Variants in SLC9A9 observed in about 807,000 individuals in gnomAD.
SLC9A9 encodes solute carrier family 9 member A9.
In SLC9A9, 62 loss-of-function variants were observed where a neutral mutation model predicts 77.8. That is an observed-to-expected ratio of 0.80 (90% CI 0.65 to 0.98). The LOEUF is 0.98. Among genes scored for constraint, SLC9A9 ranks in the 50% least tolerant of loss-of-function variants. The probability of loss-of-function intolerance (pLI) is 0.00; values close to 1 mark genes in which losing one functional copy is unlikely to be tolerated. For missense variants in SLC9A9, 775 were observed against 774.9 expected (o/e 1.00, Z 0.00); for synonymous variants, 320 against 283.5 (o/e 1.13, Z -1.29).
intron 6 of SLC9A9, among the ~76,000 whole-genome samples, chr3:143,619,836 T>C (rs1473963374): frequency 6.6e-6 from 1 of 152,176 alleles, no homozygotes; most frequent in African/African-American, 2.4e-5. Context: ...TAAATACCAT[T>C]TTCATCATGT....
In SLC9A9 at chr3:143,619,833, C is replaced by A. The variant is rs7650491; in HGVS notation, c.755+32422G>T. Among the ~76,000 whole-genome samples, 618 of 152,278 alleles carry A rather than the reference C, an allele frequency of 4.1e-3. 2 individuals are homozygous for A. The highest frequency in any genetic ancestry group is 0.014 in the African/African-American group (596 of 41,552). On this transcript the variant is annotated intron_variant, in intron 6 of 15. Transcript: ENST00000316549. ...ACAGAAGAGGCCAAGTAATAAATAC[C>A]ATTTTCATCATGTTTTACAGTTTAC...
intron 14 of SLC9A9, among the ~76,000 whole-genome samples, chr3:143,315,983 T>G (rs1433772035): frequency 6.6e-6 from 1 of 152,186 alleles, no homozygotes; most frequent in Non-Finnish European, 1.5e-5. Flanking sequence ...GACACCAAAG[T>G]CCTCTTGCCC....
chr3:143,711,015 C>T, intron 4 of SLC9A9, among the ~76,000 whole-genome samples: 1 of 152,144 alleles, frequency 6.6e-6, no homozygotes, highest in East Asian at 1.9e-4. Context: ...GGATGTTACA[C>T]TATTTACTCT....
intron 14 of SLC9A9, among the ~76,000 whole-genome samples, chr3:143,353,017 A>G (rs1379135990): frequency 6.6e-6 from 1 of 152,184 alleles, no homozygotes; most frequent in African/African-American, 2.4e-5. Context: ...ATCTGTGCAC[A>G]TGATAATTCC....
intron 9 of SLC9A9, among the ~76,000 whole-genome samples, chr3:143,524,906 G>A (rs904160610): frequency 1.3e-5 from 2 of 152,140 alleles, no homozygotes; most frequent in Non-Finnish European, 2.9e-5. Flanking sequence ...TTTCTGCCAT[G>A]TTACGATGCC....
chr3:143,831,244 C>G (rs988750112), intron 2 of SLC9A9, among the ~76,000 whole-genome samples: 7 of 152,094 alleles, frequency 4.6e-5, no homozygotes, highest in Non-Finnish European at 1.0e-4. Flanking sequence ...GATGTGAGAT[C>G]CTGGTTCTTA....
intron 3 of SLC9A9, 56 bp downstream of exon 3, chr3:143,796,770 G>C: frequency 8.0e-7 from 1 of 1,244,264 alleles, no homozygotes; most frequent in South Asian, 1.3e-5. Flanking sequence ...TCTCATTAGT[G>C]CTGGTAAAAT....
At chr3:143,299,860 T>TAAA (rs2030441758) in intron 14 of SLC9A9, among the ~76,000 whole-genome samples, 2 of 152,246 alleles carry the variant, frequency 1.3e-5, no homozygotes, top group South Asian at 4.1e-4. Flanking sequence ...CCCTGGGTTC[T>TAAA]GAGCCTTATC....
intron 4 of SLC9A9, among the ~76,000 whole-genome samples, chr3:143,704,902 G>T (rs551879472): frequency 2.0e-5 from 3 of 152,164 alleles, no homozygotes; most frequent in East Asian, 1.9e-4. Context: ...TGAGGGAGGA[G>T]AATTGCTTGA....
chr3:143,819,045 G>T (rs1191916009), intron 2 of SLC9A9, among the ~76,000 whole-genome samples: 1 of 152,254 alleles, frequency 6.6e-6, no homozygotes, highest in East Asian at 1.9e-4. Context: ...TCGCACCGTT[G>T]CACTCCAGCC....
chr3:143,277,319 A>G (rs1049132065), intron 14 of SLC9A9, among the ~76,000 whole-genome samples: 1 of 152,128 alleles, frequency 6.6e-6, no homozygotes, highest in African/African-American at 2.4e-5. Flanking sequence ...CAGCTGCATC[A>G]GAATTTCCTC....
intron 12 of SLC9A9, among the ~76,000 whole-genome samples, chr3:143,417,885 G>A (rs1254259848): frequency 6.6e-6 from 1 of 152,000 alleles, no homozygotes; most frequent in Non-Finnish European, 1.5e-5. Flanking sequence ...GAGCCTCTAA[G>A]GAGTATCAGG....
chr3:143,293,947 T>C (rs1381640930), intron 14 of SLC9A9, among the ~76,000 whole-genome samples: 1 of 152,118 alleles, frequency 6.6e-6, no homozygotes, highest in Non-Finnish European at 1.5e-5. Flanking sequence ...ATAAATCTCA[T>C]ACACATCTAT....
At chr3:143,612,598 A>T (rs1395040431) in intron 6 of SLC9A9, among the ~76,000 whole-genome samples, 2 of 152,222 alleles carry the variant, frequency 1.3e-5, no homozygotes, top group Non-Finnish European at 1.5e-5. Context: ...CTCCAACAGA[A>T]CTATGTGTAT....
intron 6 of SLC9A9, among the ~76,000 whole-genome samples, chr3:143,620,956 C>A (rs2038198801): frequency 6.6e-6 from 1 of 152,208 alleles, no homozygotes; most frequent in African/African-American, 2.4e-5. Context: ...AAACGGCACG[C>A]CAGGAGATTA....
At chr3:143,797,002 T>A in intron 2 of SLC9A9, 99 bp from the exon 3 acceptor site, 1 of 896,180 alleles carries the variant, frequency 1.1e-6, no homozygotes, top group Non-Finnish European at 1.8e-6. Context: ...TGCTAAGCCT[T>A]TGTGAGGCAT....
chr3:143,308,530 C>T (rs937089431), intron 14 of SLC9A9, among the ~76,000 whole-genome samples: 7 of 151,488 alleles, frequency 4.6e-5, no homozygotes, highest in Non-Finnish European at 4.4e-5. Context: ...GAGCCGAGAT[C>T]GCACCACTGC....
At chr3:143,306,159 T>C (rs1578279323) in intron 14 of SLC9A9, among the ~76,000 whole-genome samples, 1 of 152,190 alleles carries the variant, frequency 6.6e-6, no homozygotes, top group African/African-American at 2.4e-5. Flanking sequence ...ACAATGCTAA[T>C]GCACCATCAG....
At position 143,528,473 on chromosome 3, in the gene SLC9A9, G is replaced by A. The variant is rs116264649; in HGVS notation, c.1089+23889C>T. Among the ~76,000 whole-genome samples the A allele has an allele frequency of 5.5e-3, 835 of 152,308 alleles. 3 individuals are homozygous for A. The highest frequency in any genetic ancestry group is 0.019 in the African/African-American group (777 of 41,564). ...GCAGAATTTGACTGCAGTGTGATAA[G>A]TGGGTGATCAACAAATCTAAGTTTG... On this transcript the variant is annotated intron_variant, in intron 9 of 15. Transcript: ENST00000316549.
Sources: gnomAD v4.1 joint callset for allele counts (sites outside exome capture counted in the v4.1 genomes callset) on GRCh38, gnomAD v4.1.1 for gene constraint, MANE v1.5 for transcripts, NCBI Gene and HGNC (gene_info 2026-07-23, HGNC 2026-07-21) for gene names.